CEP128: variants seen among roughly 807,000 people sequenced by gnomAD.
The protein encoded by CEP128 is centrosomal protein 128kDa.
CEP128 carries 132 observed loss-of-function variants against 156.7 expected under a neutral mutation model. The observed-to-expected ratio is 0.84, with a 90% CI of 0.73 to 0.97. The LOEUF is 0.97. Among genes scored for constraint, CEP128 ranks in the 50% least tolerant of loss-of-function variants. CEP128 has a pLI of 0.00. For missense variants in CEP128, 1,252 were observed against 1,281.9 expected, an observed-to-expected ratio of 0.98 and a Z score of 0.36; for synonymous variants, 469 against 448.9, an observed-to-expected ratio of 1.04 and a Z score of -0.57.
intron 13 of CEP128, among the ~76,000 whole-genome samples, chr14:80,815,572 A>G (rs1233850378): frequency 6.6e-6 from 1 of 152,232 alleles, no homozygotes; most frequent in Non-Finnish European, 1.5e-5. Flanking sequence ...CTGAGAATCA[A>G]CATGAAAGAA....
intron 19 of CEP128, among the ~76,000 whole-genome samples, chr14:80,691,871 A>C (rs921524375): frequency 1.3e-5 from 2 of 152,232 alleles, no homozygotes; most frequent in African/African-American, 4.8e-5. Context: ...AATATTTAAT[A>C]AAATTTTGTA....
At chr14:80,748,403 T>C (rs866134368) in intron 18 of CEP128, among the ~76,000 whole-genome samples, 2 of 152,162 alleles carry the variant, frequency 1.3e-5, no homozygotes, top group Middle Eastern at 3.2e-3. Flanking sequence ...AGGAAAAATA[T>C]AAGATGGTAT....
chr14:80,782,347 T>C (rs889196739), intron 15 of CEP128, among the ~76,000 whole-genome samples: 2 of 152,206 alleles, frequency 1.3e-5, no homozygotes, highest in African/African-American at 2.4e-5. Flanking sequence ...ATTCTTATAT[T>C]GCACTTCCTG....
chr14:80,607,125 T>C (rs1339944452), intron 19 of CEP128, among the ~76,000 whole-genome samples: 1 of 152,030 alleles, frequency 6.6e-6, no homozygotes, highest in Non-Finnish European at 1.5e-5. Flanking sequence ...CATGTGTTTA[T>C]CTTTAGAGAA....
chr14:80,886,713 C>T (rs544789309), intron 8 of CEP128, among the ~76,000 whole-genome samples: 10 of 152,196 alleles, frequency 6.6e-5, no homozygotes, highest in South Asian at 4.2e-4. Context: ...AGGAAGAAAC[C>T]GCATTAACTA....
chr14:80,758,432 G>C (rs1446122771), intron 17 of CEP128, among the ~76,000 whole-genome samples: 1 of 150,936 alleles, frequency 6.6e-6, no homozygotes. Context: ...TGAGGCAAGA[G>C]AATTGCTTGA....
chr14:80,654,282 C>A (rs1895037581), intron 19 of CEP128, among the ~76,000 whole-genome samples: 1 of 151,882 alleles, frequency 6.6e-6, no homozygotes, highest in Admixed American at 6.6e-5. Context: ...AGAATACAGT[C>A]AGGAAAAAAT....
chr14:80,745,541 T>A (rs1342735508), intron 18 of CEP128, among the ~76,000 whole-genome samples: 1 of 152,098 alleles, frequency 6.6e-6, no homozygotes. Flanking sequence ...ATGCATATAA[T>A]AAAGTCAAAC....
At chr14:80,530,086 C>CA (rs1272284491) in intron 22 of CEP128, among the ~76,000 whole-genome samples, 1 of 151,960 alleles carries the variant, frequency 6.6e-6, no homozygotes, top group African/African-American at 2.4e-5. Flanking sequence ...ACATGGTTGC[C>CA]AAAAAGAAAT....
At chr14:80,703,460 A>G (rs2139372512) in intron 19 of CEP128, among the ~76,000 whole-genome samples, 1 of 151,958 alleles carries the variant, frequency 6.6e-6, no homozygotes, top group South Asian at 2.1e-4. Flanking sequence ...TTCAAGTTCT[A>G]CTCTAATTTA....
Position 80,778,062 on chromosome 14 carries a change from G to T in CEP128, c.2212-16C>A, listed in dbSNP as rs745377000. 6.2e-7 allele frequency: 1 copy of T among 1,603,682 alleles called. No individual in the cohort carries two copies. Among genetic ancestry groups the T allele is most frequent in the South Asian group, 1.1e-5 (1 of 88,582 alleles). ...AACTTTCAGCCTGAGAAAAAGAGAA[G>T]GAAAAAACAGAAAGTCCACTAGCCA... On this transcript the variant is annotated splice_polypyrimidine_tract_variant and intron_variant, in intron 15 of 24. Coordinates refer to ENST00000555265, the MANE Select transcript of CEP128 (RefSeq NM_152446.5).
rs181459675 is a variant in CEP128, at chr14:80,770,926, A to G, written c.2376+6956T>C. Reference sequence around the variant, plus strand: ...TCAGAAAATTCTGCCTGCTACCATCAAATACCTCTTAGTCAAAAATGTGAC... The same window carrying G: ...TCAGAAAATTCTGCCTGCTACCATCGAATACCTCTTAGTCAAAAATGTGAC... On this transcript the variant is annotated intron_variant, in intron 16 of 24. Coordinates refer to ENST00000555265, the MANE Select transcript of CEP128 (RefSeq NM_152446.5). Among the ~76,000 whole-genome samples, 17 of 152,290 alleles carry G rather than the reference A, an allele frequency of 1.1e-4. No homozygotes were observed. In the East Asian group the frequency reaches 3.1e-3, roughly 28 times the overall value.
At chr14:80,904,235 G>C (rs967170821) in intron 6 of CEP128, among the ~76,000 whole-genome samples, 6 of 151,996 alleles carry the variant, frequency 3.9e-5, no homozygotes, top group African/African-American at 1.4e-4. Context: ...AAAAGGCCAG[G>C]CACAGAAAGA....
At chr14:80,866,207 G>A (rs1887760588) in intron 8 of CEP128, among the ~76,000 whole-genome samples, 1 of 151,932 alleles carries the variant, frequency 6.6e-6, no homozygotes, top group Non-Finnish European at 1.5e-5. Flanking sequence ...CAGGTACCAG[G>A]CCCATCCCAA....
chr14:80,484,078 G>C (rs898215066), intron 14 of CEP128, among the ~76,000 whole-genome samples: 1 of 152,030 alleles, frequency 6.6e-6, no homozygotes, highest in Non-Finnish European at 1.5e-5. Context: ...CAGGGCTCAA[G>C]CGATCCTCTC....
At chr14:80,732,196 C>T (rs895221474) in intron 19 of CEP128, among the ~76,000 whole-genome samples, 2 of 151,942 alleles carry the variant, frequency 1.3e-5, no homozygotes, top group African/African-American at 4.8e-5. Flanking sequence ...TGCAGATAAC[C>T]AGAGGAAACA....
chr14:80,914,351 T>C lies in CEP128; in HGVS notation c.205A>G (p.Ser69Gly). ...TCTATCGCACCCGCCTGTCCATTACTGTATTCTCGGTATCGTCCAAGCATC... is the reference window on the plus strand; with the variant it reads ...TCTATCGCACCCGCCTGTCCATTACCGTATTCTCGGTATCGTCCAAGCATC... ...DQMLGRYREY[S>G]NGQAGAIEHL... Residue 69 changes from serine to glycine, a missense_variant, in exon 4 of 25, where the codon AGT becomes GGT. Physicochemically the swap from Ser to Gly is moderately conservative, Grantham distance 56. Transcript: ENST00000555265. The C allele has an allele frequency of 6.2e-7, 1 of 1,613,936 alleles. No homozygotes were observed. Among genetic ancestry groups the C allele is most frequent in the Non-Finnish European group, 8.5e-7 (1 of 1,179,852 alleles).
chr14:80,862,012 G>A (rs1887536654), intron 9 of CEP128, among the ~76,000 whole-genome samples: 1 of 152,024 alleles, frequency 6.6e-6, no homozygotes, highest in South Asian at 2.1e-4. Context: ...AGGGAATCTA[G>A]GTAAATGTTA....
At chr14:80,578,928 T>C (rs772119599) in intron 20 of CEP128, among the ~76,000 whole-genome samples, 1 of 152,202 alleles carries the variant, frequency 6.6e-6, no homozygotes, top group African/African-American at 2.4e-5. Flanking sequence ...TCTCCAACTA[T>C]AAATGTCCAT....
Sources: gnomAD v4.1 joint callset for allele counts (sites outside exome capture counted in the v4.1 genomes callset) on GRCh38, gnomAD v4.1.1 for gene constraint, MANE v1.5 for transcripts, NCBI Gene and HGNC (gene_info 2026-07-23, HGNC 2026-07-21) for gene names.